Variants in EIF4G3 observed in about 807,000 individuals in gnomAD.
The protein encoded by EIF4G3 is eIF-4-gamma 3.
A neutral mutation model predicts 186.4 loss-of-function variants in EIF4G3; 34 were observed. The ratio of observed to expected loss-of-function variants is 0.18; its 90% CI spans 0.14 to 0.24. The LOEUF is 0.24. Ranked by LOEUF, EIF4G3 falls within the 10% of genes least tolerant of loss-of-function variation. The pLI is 1.00. For missense variants in EIF4G3, 1,536 were observed against 1,948.5 expected (o/e 0.79, Z 3.99); for synonymous variants, 673 against 679.5 (o/e 0.99, Z 0.15).
chr1:20,822,279 T>G (rs1243072325), intron 33 of EIF4G3, among the ~76,000 whole-genome samples: 4 of 151,974 alleles, frequency 2.6e-5, no homozygotes, highest in Admixed American at 2.0e-4. Flanking sequence ...ATTAGTAATA[T>G]GTACCTTCTT....
At chr1:20,893,479 G>A (rs752549672) in intron 18 of EIF4G3, 38 bp downstream of exon 18, 34 of 1,554,966 alleles carry the variant, frequency 2.2e-5, no homozygotes, top group Non-Finnish European at 2.8e-5. Context: ...GTCTGTGCCA[G>A]TGTCTAACTA....
At chr1:21,139,791 C>A (rs914134117) in intron 2 of EIF4G3, among the ~76,000 whole-genome samples, 1 of 152,134 alleles carries the variant, frequency 6.6e-6, no homozygotes, top group East Asian at 1.9e-4. Flanking sequence ...GCCCTGAACA[C>A]CTGGCCTCAA....
At chr1:20,860,264 A>T in intron 24 of EIF4G3, 121 bp downstream of exon 24, 2 of 1,367,358 alleles carry the variant, frequency 1.5e-6, no homozygotes, top group South Asian at 1.4e-5. Context: ...TTCACCTAAC[A>T]ATCACCACTC....
intron 3 of EIF4G3, among the ~76,000 whole-genome samples, chr1:21,068,097 G>C (rs2095313327): frequency 6.6e-6 from 1 of 151,906 alleles, no homozygotes; most frequent in African/African-American, 2.4e-5. Context: ...AAGGGTCCGG[G>C]CACAGTGGCT....
intron 29 of EIF4G3, 184 bp from the exon 30 acceptor site, chr1:20,841,212 T>C (rs558329855): frequency 1.4e-5 from 7 of 506,128 alleles, no homozygotes; most frequent in African/African-American, 7.8e-5. Flanking sequence ...CAGGCTGATA[T>C]GGGCAATATT....
intron 2 of EIF4G3, among the ~76,000 whole-genome samples, chr1:21,100,506 T>C (rs1447278996): frequency 2.6e-5 from 4 of 152,122 alleles, no homozygotes; most frequent in African/African-American, 7.2e-5. Context: ...ATCCAGAATA[T>C]TGCAGAAAGA....
intron 2 of EIF4G3, among the ~76,000 whole-genome samples, chr1:21,155,433 A>T (rs1311148652): frequency 6.6e-6 from 1 of 152,144 alleles, no homozygotes; most frequent in Non-Finnish European, 1.5e-5. Flanking sequence ...AGCATATTAA[A>T]ATCTTTTATT....
intron 2 of EIF4G3, among the ~76,000 whole-genome samples, chr1:21,152,868 T>A (rs562751257): frequency 6.6e-6 from 1 of 152,176 alleles, no homozygotes; most frequent in African/African-American, 2.4e-5. Flanking sequence ...CACTCTGTCA[T>A]CCTAGCAACT....
At chr1:20,852,012 T>A (rs751334928) in intron 27 of EIF4G3, among the ~76,000 whole-genome samples, 3 of 152,160 alleles carry the variant, frequency 2.0e-5, no homozygotes, top group Non-Finnish European at 4.4e-5. Context: ...TGAGACTCTG[T>A]CTCAAAAAAA....
chr1:21,162,812 G>C (rs1279006007), intron 2 of EIF4G3, among the ~76,000 whole-genome samples: 3 of 152,140 alleles, frequency 2.0e-5, no homozygotes, highest in Non-Finnish European at 4.4e-5. Context: ...TACCAGGTGG[G>C]GGTATCCATA....
chr1:21,007,871 T>C (rs546568619), intron 4 of EIF4G3, among the ~76,000 whole-genome samples: 2 of 152,344 alleles, frequency 1.3e-5, no homozygotes, highest in South Asian at 2.1e-4. Context: ...ATACAACTTA[T>C]AGGTTTTATT....
At chr1:20,910,011 G>A (rs1174617250) in intron 14 of EIF4G3, among the ~76,000 whole-genome samples, 1 of 151,890 alleles carries the variant, frequency 6.6e-6, no homozygotes, top group Admixed American at 6.6e-5. Context: ...TGAAACTCCT[G>A]GGCTCAAGTG....
intron 7 of EIF4G3, among the ~76,000 whole-genome samples, chr1:20,985,333 CTAAAAGCGT>C (rs2079212498): frequency 6.6e-6 from 1 of 152,128 alleles, no homozygotes; most frequent in African/African-American, 2.4e-5. Context: ...TGTTCATATG[CTAAAAGCGT>C]ATCCTTGGCA....
At chr1:20,987,394 T>C (rs941121304) in intron 7 of EIF4G3, among the ~76,000 whole-genome samples, 7 of 152,260 alleles carry the variant, frequency 4.6e-5, no homozygotes, top group African/African-American at 1.7e-4. Flanking sequence ...CTTTGCTTTA[T>C]TGTGCATTAT....
intron 6 of EIF4G3, chr1:20,999,645 G>A (rs1211231244): frequency 1.2e-5 from 5 of 400,926 alleles, no homozygotes; most frequent in Non-Finnish European, 2.4e-5. Flanking sequence ...AAACAAAAGC[G>A]AAAAAGAAAA....
chr1:20,885,155 G>A (rs563545946), intron 19 of EIF4G3, among the ~76,000 whole-genome samples: 17 of 152,218 alleles, frequency 1.1e-4, no homozygotes, highest in Non-Finnish European at 2.2e-4. Context: ...GTGTGGCCCC[G>A]TTCCCAACAG....
intron 12 of EIF4G3, among the ~76,000 whole-genome samples, chr1:20,964,234 G>A (rs1430543081): frequency 6.6e-6 from 1 of 152,090 alleles, no homozygotes; most frequent in African/African-American, 2.4e-5. Flanking sequence ...TTTTACAGAT[G>A]AAAAAATAGG....
intron 14 of EIF4G3, among the ~76,000 whole-genome samples, chr1:20,913,751 T>C (rs2093531062): frequency 6.6e-6 from 1 of 151,990 alleles, no homozygotes; most frequent in Admixed American, 6.6e-5. Context: ...TCTGTGTTTG[T>C]TCTTCTTTTA....
At chr1:21,135,733 G>T (rs1259364401) in intron 2 of EIF4G3, among the ~76,000 whole-genome samples, 1 of 152,140 alleles carries the variant, frequency 6.6e-6, no homozygotes, top group East Asian at 1.9e-4. Flanking sequence ...GCCTGGGAAT[G>T]AATTCATGTA....
Sources: allele counts gnomAD v4.1 joint callset (sites outside exome capture counted in the v4.1 genomes callset), GRCh38; gene constraint gnomAD v4.1.1; transcripts MANE v1.5; gene names NCBI Gene and HGNC (gene_info 2026-07-23, HGNC 2026-07-21).